Variants in C4orf50 observed in about 807,000 individuals in gnomAD.
C4orf50 encodes the protein uncharacterized protein C4orf50.
In C4orf50, 80 loss-of-function variants were observed where a neutral mutation model predicts 77.2. The observed-to-expected ratio is 1.04, with a 90% confidence interval of 0.87 to 1.25. The LOEUF is 1.25. C4orf50 is among the 50% of genes most tolerant of loss of function. C4orf50 has a pLI of 0.00. For missense variants in C4orf50, 1,257 were observed against 1,152.9 expected (o/e 1.09, Z -1.31); for synonymous variants, 532 against 465.3 (o/e 1.14, Z -1.84).
At chr4:5,928,371 C>CAA (rs1399803860) in intron 7 of C4orf50, among the ~76,000 whole-genome samples, 1 of 148,890 alleles carries the variant, frequency 6.7e-6, no homozygotes, top group East Asian at 1.9e-4. Flanking sequence ...CATACACACA[C>CAA]ACACACATAC....
Position 5,906,909 on chromosome 4 carries a change from T to A in C4orf50, c.*2475-8721A>T, listed in dbSNP as rs538900645. Among the ~76,000 whole-genome samples, 3 of 152,232 alleles carry A rather than the reference T, an allele frequency of 2.0e-5. No homozygotes were observed. The South Asian group carries it at 6.2e-4, about 32-fold the overall frequency. On this transcript the variant is annotated intron_variant, in intron 7 of 7. Coordinates refer to the C4orf50 transcript ENST00000324058. ...AAGACCATTGGTATCCAAACTTATATATAAATCAGAATCACTTGGAGAACT... is the reference window on the plus strand; with the variant it reads ...AAGACCATTGGTATCCAAACTTATAAATAAATCAGAATCACTTGGAGAACT...
chr4:5,956,977 T>C (rs1012576982), downstream of C4orf50: 2 of 152,270 alleles, frequency 1.3e-5, no homozygotes, highest in Non-Finnish European at 2.9e-5. Flanking sequence ...CCCTTCCAAA[T>C]GCTGGGGTCT....
exon 34 of C4orf50, chr4:5,959,166 C>T: frequency 1.7e-6 from 1 of 594,092 alleles, no homozygotes; most frequent in Non-Finnish European, 2.9e-6. Context: ...TTGACATTGC[C>T]AAAGCCAAAC....
At chr4:6,004,140 GTGATGA>G (rs1271740749) in intron 25 of C4orf50, among the ~76,000 whole-genome samples, 1 of 85,190 alleles carries the variant, frequency 1.2e-5, no homozygotes, top group African/African-American at 4.9e-5. Flanking sequence ...GATGGTGATG[GTGATGA>G]TGGTGATGGT....
rs1347237189 is a variant in C4orf50, at chr4:6,008,897, T to G, written c.427-365A>C. Among the ~76,000 whole-genome samples, 2 of 152,082 alleles carry G rather than the reference T, an allele frequency of 1.3e-5. No homozygotes were observed. Among genetic ancestry groups the G allele is most frequent in the East Asian group, 1.9e-4 (1 of 5,158 alleles). On this transcript the variant is annotated intron_variant, in intron 24 of 33. Coordinates refer to ENST00000531445, the Ensembl canonical transcript of C4orf50. The surrounding 1 kb of genome is among the most constrained non-coding windows in gnomAD (Gnocchi z 6.0). ...TCCGCACCTGAGTGCACACAGCTGCTCCAGAGCCTCCCAGGTGTCCCCACT... is the reference window on the plus strand; with the variant it reads ...TCCGCACCTGAGTGCACACAGCTGCGCCAGAGCCTCCCAGGTGTCCCCACT...
At chr4:5,942,145 T>G (rs1485337664) in intron 7 of C4orf50, among the ~76,000 whole-genome samples, 1 of 152,072 alleles carries the variant, frequency 6.6e-6, no homozygotes, top group African/African-American at 2.4e-5. Flanking sequence ...ATCAGAGGTG[T>G]GGGGTGGGTT....
rs1719812940 is a variant in C4orf50 at position 5,970,001 on chromosome 4, C to A, written c.4105-2539G>T. The stretch of plus-strand genomic sequence containing the variant: ...CTGTGTCCCAGGTGAGCCCCGGCAA[C>A]CCTCTTCTCCTCTCCTTTGGTACCC... On this transcript the variant is annotated intron_variant, in intron 31 of 33. Transcript: ENST00000531445. This position sits in a 1 kb window ranked among gnomAD's most constrained non-coding sequence, Gnocchi z 4.3. Among the ~76,000 whole-genome samples the A allele has an allele frequency of 6.6e-6, 1 of 152,110 alleles. No homozygotes were observed. The highest frequency in any genetic ancestry group is 1.9e-4 in the East Asian group (1 of 5,172).
At chr4:5,906,989 T>C (rs1318449204) in intron 7 of C4orf50, among the ~76,000 whole-genome samples, 3 of 152,220 alleles carry the variant, frequency 2.0e-5, no homozygotes, top group African/African-American at 7.2e-5. Context: ...TCAGTGTTCA[T>C]GAGGCAGATC....
chr4:5,983,989 C>G (rs867306855), intron 28 of C4orf50, among the ~76,000 whole-genome samples: 6 of 152,232 alleles, frequency 3.9e-5, no homozygotes, highest in African/African-American at 7.2e-5. Flanking sequence ...ACAGGTCACA[C>G]ACTTCTGAGA....
At chr4:5,917,655 G>A (rs1577884352) in intron 7 of C4orf50, among the ~76,000 whole-genome samples, 1 of 151,924 alleles carries the variant, frequency 6.6e-6, no homozygotes, top group Non-Finnish European at 1.5e-5. Context: ...CTCGTGATCC[G>A]CTCACCTTGG....
chr4:5,971,369 T>G (rs1040931995), intron 31 of C4orf50, among the ~76,000 whole-genome samples: 2 of 152,212 alleles, frequency 1.3e-5, no homozygotes, highest in African/African-American at 4.8e-5. Flanking sequence ...GCAGACACCC[T>G]GCCGGGGCAC....
chr4:6,006,211 C>G (rs1722246337), intron 25 of C4orf50, among the ~76,000 whole-genome samples: 1 of 152,128 alleles, frequency 6.6e-6, no homozygotes, highest in Non-Finnish European at 1.5e-5. Flanking sequence ...AAATTCAGAT[C>G]ATTTAAGGTT....
chr4:5,952,301 G>C (rs1020487698), downstream of C4orf50, among the ~76,000 whole-genome samples: 1 of 152,228 alleles, frequency 6.6e-6, no homozygotes, highest in Non-Finnish European at 1.5e-5. The surrounding 1 kb of genome is among the most constrained non-coding windows in gnomAD (Gnocchi z 4.4). Flanking sequence ...AGGAGGAGGA[G>C]AGAACAGAAG....
At chr4:5,915,518 G>A (rs1261685433) in intron 7 of C4orf50, among the ~76,000 whole-genome samples, 2 of 152,204 alleles carry the variant, frequency 1.3e-5, no homozygotes, top group Admixed American at 1.3e-4. Context: ...TATGCTGGAG[G>A]TTTGCCTTTT....
intron 7 of C4orf50, among the ~76,000 whole-genome samples, chr4:5,946,596 G>C (rs6835137): frequency 0.026 from 3,948 of 152,180 alleles, 201 homozygotes; most frequent in African/African-American, 0.09. Context: ...CCCTTATTTG[G>C]GAATGTTATT....
intron 7 of C4orf50, among the ~76,000 whole-genome samples, chr4:5,938,054 C>T (rs1282254381): frequency 1.3e-5 from 2 of 151,986 alleles, no homozygotes; most frequent in Non-Finnish European, 2.9e-5. Flanking sequence ...ATTTGAAGAC[C>T]ACAATGAACA....
chr4:5,964,061 T>C (rs1455980288), intron 33 of C4orf50, among the ~76,000 whole-genome samples: 1 of 152,238 alleles, frequency 6.6e-6, no homozygotes, highest in African/African-American at 2.4e-5. Flanking sequence ...TGAAGCCATC[T>C]GAGAGCTACA....
At chr4:5,989,443 T>C (rs1577972211) in exon 28 of C4orf50, 2 of 1,536,092 alleles carry the variant, frequency 1.3e-6, no homozygotes, top group East Asian at 4.9e-5. Flanking sequence ...AGACTTCGCT[T>C]CTTCATTAGA....
rs143486533 is a variant in C4orf50, at chr4:5,912,707, A to C, written c.*2475-14519T>G. 4.2e-3 allele frequency among the ~76,000 whole-genome samples: 637 copies of C among 152,366 alleles called. 6 individuals carry two copies. The highest frequency in any genetic ancestry group is 7.1e-3 in the Admixed American group (109 of 15,300). On this transcript the variant is annotated intron_variant, in intron 7 of 7. Transcript: ENST00000324058. The stretch of plus-strand genomic sequence containing the variant: ...GGCCACAGAGGGAAGCAGGAGGCAG[A>C]GGAGTGCAGAGAGAGCCTGGCCCAG...
Sources: gnomAD v4.1 joint callset for allele counts (sites outside exome capture counted in the v4.1 genomes callset) on GRCh38, gnomAD v4.1.1 for gene constraint, Gnocchi (gnomAD v3.1) non-coding constraint, MANE v1.5 for transcripts, NCBI Gene and HGNC (gene_info 2026-07-23, HGNC 2026-07-21) for gene names.